Variants in ABCA7 observed in about 807,000 individuals in gnomAD.
ABCA7 encodes the protein ATP binding cassette subfamily A member 7, also known as phospholipid-transporting ATPase ABCA7.
Under a neutral mutation model 227.6 loss-of-function variants are expected in ABCA7, and 261 were observed. That is an observed-to-expected ratio of 1.15 (90% confidence interval 1.04 to 1.27). The LOEUF (loss-of-function observed/expected upper bound fraction) is 1.27, where lower values mean the gene tolerates loss of function less well. Ranked by LOEUF, ABCA7 falls within the 50% of genes most tolerant of loss-of-function variation. The pLI is 0.00. For missense variants in ABCA7, 3,331 were observed against 2,924.5 expected, an observed-to-expected ratio of 1.14 and a Z score of -3.21; for synonymous variants, 1,488 against 1,279.7, an observed-to-expected ratio of 1.16 and a Z score of -3.47.
intron 40 of ABCA7, among the ~76,000 whole-genome samples, chr19:1,060,215 TTC>T (rs1491040347): frequency 0.017 from 2,336 of 139,536 alleles, 105 homozygotes; most frequent in African/African-American, 0.062. Context: ...ATATTTTTTT[TTC>T]TTTTTTTTTC....
At chr19:1,064,614 CG>C in intron 45 of ABCA7, 1 of 425,374 alleles carries the variant, frequency 2.4e-6, no homozygotes, top group Non-Finnish European at 4.1e-6. Flanking sequence ...ATTGTGTGGG[CG>C]GGGGTAGAGT....
intron 45 of ABCA7, chr19:1,064,613 G>T (rs1033470177): frequency 1.4e-5 from 7 of 507,092 alleles, no homozygotes; most frequent in Non-Finnish European, 2.1e-5. Flanking sequence ...TATTGTGTGG[G>T]CGGGGGTAGA....
chr19:1,053,278 T>A, intron 23 of ABCA7, 51 bp from the exon 24 acceptor site: 3 of 1,556,784 alleles, frequency 1.9e-6, no homozygotes, highest in Non-Finnish European at 2.6e-6. Flanking sequence ...CCAGGGAGAC[T>A]GGGGTGGGGC....
rs771575272 is a variant in ABCA7 at position 1,048,977 on chromosome 19, C to G, written c.2352C>G (p.Ala784=). The part of the protein sequence containing the change: ...WCGPRPPKSP[A]PCPTPLDPKV... ...GACCTCGGCCCCCCAAGAGTCCAGCCCCTTGCCCCACCCCGCTGGACCCAA... is the reference window on the plus strand; with the variant it reads ...GACCTCGGCCCCCCAAGAGTCCAGCGCCTTGCCCCACCCCGCTGGACCCAA... Residue 784 remains alanine, a synonymous_variant, in exon 17 of 47, where the codon GCC becomes GCG. Coordinates refer to ENST00000263094, the MANE Select transcript of ABCA7 (RefSeq NM_019112.4). 2 of 1,603,880 alleles carry G rather than the reference C, an allele frequency of 1.2e-6. No individual in the cohort carries two copies. The highest frequency in any genetic ancestry group is 3.4e-5 in the Admixed American group (2 of 58,654).
At position 1,056,388 on chromosome 19, in the gene ABCA7, AC is replaced by A. The variant is rs1568381698; in HGVS notation, c.4476del (p.Asn1492LysfsTer26). On this transcript the variant is annotated frameshift_variant, in exon 33 of 47. Transcript: ENST00000263094. LOFTEE classifies it high-confidence loss of function. The surrounding 1 kb of genome is among the most constrained non-coding windows in gnomAD (Gnocchi z 4.3). ...GTGGCCTTTGTCAACCGAGCCAGCA[AC>A]GCAATCCTCCGTGCTCACCTGCCCC... ...SMVAFVNRAS[N>X]AILRAHLPPG... The A allele has an allele frequency of 6.2e-7, 1 of 1,613,522 alleles. No homozygotes were observed. The highest frequency in any genetic ancestry group is 1.7e-5 in the Admixed American group (1 of 60,008).
chr19:1,043,243 G>A lies in ABCA7; in HGVS notation c.782G>A (p.Ser261Asn). 1 of 1,607,428 alleles carries A rather than the reference G, an allele frequency of 6.2e-7. No homozygotes were observed. Among genetic ancestry groups the A allele is most frequent in the Non-Finnish European group, 8.5e-7 (1 of 1,175,458 alleles). The change falls in exon 8 of 47, where the codon AGC becomes AAC. Residue 261 changes from serine to asparagine, a missense_variant. Transcript: ENST00000263094. ...GAGCCAGAATCCGCCCTGCCAGACA[G>A]CAGCCTGAGTGAGTGACTGACCTCG... Reference protein sequence around the residue: ...GQEPESALPDSSLSPACSELI... With the variant: ...GQEPESALPDNSLSPACSELI...
Position 1,063,860 on chromosome 19 carries a change from A to G in ABCA7, c.5948A>G (p.His1983Arg), listed in dbSNP as rs1440026564. 11 of 1,532,012 alleles carry G rather than the reference A, an allele frequency of 7.2e-6. No individual in the cohort carries two copies. The highest frequency in any genetic ancestry group is 9.7e-6 in the Non-Finnish European group (11 of 1,139,450). The allele number at this position is 1,532,012 out of a possible 1,614,324, so 94.9% of individuals were successfully genotyped here. ...REGRSVMLTS[H>R]SMEECEALCS... ...GGCCGTTCAGTGATGCTCACCTCCC[A>G]TAGGTGGGCCGGGCTCTGATGCCCT... Residue 1983 changes from histidine to arginine, a missense_variant, in exon 44 of 47, where the codon CAT becomes CGT. His to Arg is a conservative substitution (Grantham distance 29, BLOSUM62 0). Coordinates refer to ENST00000263094, the MANE Select transcript of ABCA7 (RefSeq NM_019112.4).
At position 1,047,439 on chromosome 19, in the gene ABCA7, C is replaced by A. The variant is rs1260728475; in HGVS notation, c.2068-14C>A. ...CCCGCTTCGGCCGCTCACTGACCGC[C>A]CGCTTTTCCGCAGAGCCTGCTGTCG... is the stretch of plus-strand genomic sequence containing the variant. On this transcript the variant is annotated splice_polypyrimidine_tract_variant and intron_variant, in intron 15 of 46. Coordinates refer to ENST00000263094, the MANE Select transcript of ABCA7 (RefSeq NM_019112.4). 1.3e-6 allele frequency: 2 copies of A among 1,538,052 alleles called. No homozygotes were observed. The highest frequency in any genetic ancestry group is 2.7e-5 in the African/African-American group (2 of 73,286).
intron 11 of ABCA7, 34 bp from the exon 12 acceptor site, chr19:1,044,968 C>T: frequency 6.2e-7 from 1 of 1,605,680 alleles, no homozygotes; most frequent in Non-Finnish European, 8.5e-7. Flanking sequence ...GCAGGCGGAC[C>T]CCAGCGCCTA....
At position 1,055,165 on chromosome 19, in the gene ABCA7, C is replaced by T; in HGVS notation, c.4019C>T (p.Ser1340Phe). 1 of 1,612,712 alleles carries T rather than the reference C, an allele frequency of 6.2e-7. No homozygotes were observed. Among genetic ancestry groups the T allele is most frequent in the Non-Finnish European group, 8.5e-7 (1 of 1,179,882 alleles). Residue 1340 changes from serine to phenylalanine, a missense_variant, in exon 30 of 47, where the codon TCT becomes TTT. Physicochemically the swap from Ser to Phe is radical, Grantham distance 155 (BLOSUM62 -2). Transcript: ENST00000263094. ...GCCAGTGGCAACTGGACCCCAGAGT[C>T]TCCATCCCCAGCCTGCCAGTGTAGC... Reference protein sequence around the residue: ...VLASGNWTPESPSPACQCSRP... With the variant: ...VLASGNWTPEFPSPACQCSRP...
rs1366123081 is a variant in ABCA7 at position 1,057,421 on chromosome 19, A to G, written c.4872A>G (p.Leu1624=). Residue 1624 remains leucine (L), a synonymous_variant, in exon 35 of 47, where the codon CTA becomes CTG. Coordinates refer to ENST00000263094, the MANE Select transcript of ABCA7 (RefSeq NM_019112.4). ...TGCCTGCTCTCCTGCTGTTGCTACT[A>G]CTGTATGGGTGAGGCCCCCAGTCCC... ...ANLPALLLLL[L]LYGWSITPLM... 1 of 1,613,538 alleles carries G rather than the reference A, an allele frequency of 6.2e-7. No homozygotes were observed. Among genetic ancestry groups the G allele is most frequent in the African/African-American group, 1.3e-5 (1 of 74,964 alleles).
At chr19:1,057,112 G>T in intron 34 of ABCA7, 28 bp downstream of exon 34, 1 of 1,599,312 alleles carries the variant, frequency 6.3e-7, no homozygotes, top group Non-Finnish European at 8.5e-7. Flanking sequence ...ACGGGTGGGG[G>T]CCCAGCCACT....
chr19:1,056,508 C>T lies in ABCA7; in HGVS notation c.4586+9C>T, dbSNP rs1224897866. 6.2e-6 allele frequency: 10 copies of T among 1,608,896 alleles called. No individual in the cohort carries two copies. Among genetic ancestry groups the T allele is most frequent in the Admixed American group, 1.7e-5 (1 of 59,726 alleles). On this transcript the variant is annotated intron_variant, in intron 33 of 46. Coordinates refer to ENST00000263094, the MANE Select transcript of ABCA7 (RefSeq NM_019112.4). The surrounding 1 kb of genome is among the most constrained non-coding windows in gnomAD (Gnocchi z 4.3). ...CTGTCTGAGGGTGCACTGTGAGTCC[C>T]TCCACCCTGCATGTCCTACCCTGCA...
Position 1,053,935 on chromosome 19 carries a change from C to T in ABCA7, c.3473-71C>T, listed in dbSNP as rs1314392805. On this transcript the variant is annotated intron_variant, in intron 25 of 46. Transcript: ENST00000263094. The stretch of plus-strand genomic sequence containing the variant: ...AGTGTGGCCCAAGGCATAGCCTTTA[C>T]CCTATACCTGATTCCTGATCCCCCA... 7.5e-6 allele frequency: 12 copies of T among 1,602,796 alleles called. No individual in the cohort carries two copies. The Admixed American group carries it at 1.3e-4, about 18-fold the overall frequency.
intron 1 of ABCA7, among the ~76,000 whole-genome samples, chr19:1,040,996 TGAG>T (rs1288963806): frequency 1.3e-5 from 2 of 151,992 alleles, no homozygotes; most frequent in Non-Finnish European, 2.9e-5. Context: ...GGCTTCCAGG[TGAG>T]GCTTGGGGTG....
At position 1,063,789 on chromosome 19, in the gene ABCA7, C is replaced by A; in HGVS notation, c.5877C>A (p.Ser1959Arg). The change falls in exon 44 of 47, where the codon AGC becomes AGA. Residue 1959 changes from serine to arginine, a missense_variant. Physicochemically the swap from Ser to Arg is moderately radical, Grantham distance 110. Transcript: ENST00000263094. ...LDEPTTGMDP[S>R]ARRFLWNSLL... is the part of the protein sequence containing the mutation. ...AGCCGACCACAGGCATGGACCCCAG[C>A]GCGCGGCGCTTCCTTTGGAACAGCC... The A allele has an allele frequency of 6.5e-7, 1 of 1,546,836 alleles. No homozygotes were observed.
intron 21 of ABCA7, 54 bp from the exon 22 acceptor site, chr19:1,051,888 C>T (rs910938059): frequency 2.6e-5 from 41 of 1,585,422 alleles, no homozygotes; most frequent in Admixed American, 3.4e-5. Flanking sequence ...GGCCCCAGCT[C>T]GGGCAAAGAC....
intron 17 of ABCA7, 46 bp from the exon 18 acceptor site, chr19:1,049,220 C>G: frequency 6.5e-7 from 1 of 1,550,112 alleles, no homozygotes; most frequent in East Asian, 2.3e-5. Flanking sequence ...TTGCAGGCCC[C>G]AGGACCCCCA....
At position 1,057,046 on chromosome 19, in the gene ABCA7, C is replaced by G. The variant is rs1267799695; in HGVS notation, c.4726C>G (p.Pro1576Ala). Reference protein sequence around the residue: ...KHLQLMGGLSPTLYWLGNFLW... With the variant: ...KHLQLMGGLSATLYWLGNFLW... ...CCTGCAGCTCATGGGGGGCCTGTCC[C>G]CCACCCTCTACTGGCTTGGCAACTT... Residue 1576 changes from proline (P) to alanine (A), a missense_variant, in exon 34 of 47, where the codon CCC (proline) becomes GCC (alanine). By Grantham distance (27) the Pro-to-Ala change is conservative. Coordinates refer to ENST00000263094, the MANE Select transcript of ABCA7 (RefSeq NM_019112.4). The G allele has an allele frequency of 6.2e-7, 1 of 1,613,632 alleles. No individual in the cohort carries two copies. Among genetic ancestry groups the G allele is most frequent in the Admixed American group, 1.7e-5 (1 of 60,004 alleles).
Sources: gnomAD v4.1 joint callset for allele counts (sites outside exome capture counted in the v4.1 genomes callset) on GRCh38, gnomAD v4.1.1 for gene constraint, Gnocchi (gnomAD v3.1) non-coding constraint, MANE v1.5 for transcripts, NCBI Gene and HGNC (gene_info 2026-07-23, HGNC 2026-07-21) for gene names.